Variants in STARD7 observed in about 807,000 individuals in gnomAD.
STARD7 encodes StAR related lipid transfer domain containing 7, also known as stAR-related lipid transfer protein 7, mitochondrial.
STARD7 carries 30 observed loss-of-function variants against 45.3 expected under a neutral mutation model. The observed-to-expected ratio is 0.66, with a 90% CI of 0.50 to 0.90. STARD7 has a LOEUF of 0.90. STARD7 is among the 40% of genes least tolerant of loss of function. STARD7 has a pLI of 0.00. For missense variants in STARD7, 495 were observed against 491.3 expected, an observed-to-expected ratio of 1.01 and a Z score of -0.07; for synonymous variants, 199 against 183.0, an observed-to-expected ratio of 1.09 and a Z score of -0.70.
intron 6 of STARD7, among the ~76,000 whole-genome samples, chr2:96,191,763 C>T (rs35406453): frequency 6.6e-6 from 1 of 152,070 alleles, no homozygotes; most frequent in Admixed American, 6.5e-5. Context: ...CCATATAGCC[C>T]TAAATCGAAC....
At chr2:96,194,827 G>A (rs953985358) in intron 3 of STARD7, 131 bp downstream of exon 3, 1 of 721,274 alleles carries the variant, frequency 1.4e-6, no homozygotes, top group African/African-American at 1.8e-5. Context: ...TAAATGCTAT[G>A]CAATGTGGAT....
rs544496063 is a variant in STARD7, at chr2:96,207,302, G to A, written c.290+843C>T. On this transcript the variant is annotated intron_variant, in intron 1 of 7. Transcript: ENST00000337288. Reference sequence around the variant, plus strand: ...ATAAACAGGCGAGTGTGGAATCTGCGGAGGGAGGGGATTGTCTCTGGTTCC... The same window carrying A: ...ATAAACAGGCGAGTGTGGAATCTGCAGAGGGAGGGGATTGTCTCTGGTTCC... 3.3e-5 allele frequency among the ~76,000 whole-genome samples: 5 copies of A among 152,336 alleles called. No homozygotes were observed. In the South Asian group the frequency reaches 8.3e-4, roughly 25 times the overall value.
intron 1 of STARD7, among the ~76,000 whole-genome samples, chr2:96,197,079 A>ATAACATAAC (rs1558735802): frequency 2.9e-5 from 4 of 135,732 alleles, no homozygotes; most frequent in African/African-American, 1.1e-4. Context: ...AATAAAATAA[A>ATAACATAAC]ATAAAATAAA....
At chr2:96,195,059 CTTGT>C in intron 2 of STARD7, 52 bp from the exon 3 acceptor site, 4 of 1,514,834 alleles carry the variant, frequency 2.6e-6, no homozygotes, top group Non-Finnish European at 3.6e-6. Context: ...AGTCACTCGC[CTTGT>C]TTCTTTCACC....
rs907474556 is a variant in STARD7, at chr2:96,208,294, G to A, written c.141C>T (p.Arg47=). The A allele has an allele frequency of 3.7e-6, 6 of 1,610,012 alleles. No individual in the cohort carries two copies. The highest frequency in any genetic ancestry group is 5.1e-6 in the Non-Finnish European group (6 of 1,179,022). ...RAQQIAQLYG[R]LYSESSRRVL... The stretch of plus-strand genomic sequence containing the variant: ...CGCGGCGTGAGCTCTCGGAGTAGAG[G>A]CGGCCGTAGAGCTGCGCGATCTGCT... The change falls in exon 1 of 8, where the codon CGC becomes CGT. Residue 47 remains arginine (R), a synonymous_variant. Transcript: ENST00000337288.
At chr2:96,198,649 G>C (rs1181982529) in intron 1 of STARD7, among the ~76,000 whole-genome samples, 1 of 152,028 alleles carries the variant, frequency 6.6e-6, no homozygotes, top group Non-Finnish European at 1.5e-5. Flanking sequence ...CTTTTCATGT[G>C]CTTATACTAG....
At chr2:96,201,779 G>C (rs891806889) in intron 1 of STARD7, among the ~76,000 whole-genome samples, 1 of 152,118 alleles carries the variant, frequency 6.6e-6, no homozygotes, top group Non-Finnish European at 1.5e-5. Flanking sequence ...GCCTGGGTGA[G>C]AGTGAAACTG....
At chr2:96,204,601 A>C (rs2104206685) in intron 1 of STARD7, among the ~76,000 whole-genome samples, 1 of 152,280 alleles carries the variant, frequency 6.6e-6, no homozygotes, top group African/African-American at 2.4e-5. Context: ...ACAGGACATC[A>C]ATTAGCTCAT....
In STARD7 at chr2:96,191,220, C is replaced by G. The variant is rs994285012; in HGVS notation, c.843+1149G>C. 2.0e-5 allele frequency among the ~76,000 whole-genome samples: 3 copies of G among 152,060 alleles called. No homozygotes were observed. The East Asian group carries it at 5.8e-4, about 29-fold the overall frequency. ...AATACTGAAATATATAATAGAAGAACTGGGTTCTCCTACAGTAAAGCTAGA... is the reference window on the plus strand; with the variant it reads ...AATACTGAAATATATAATAGAAGAAGTGGGTTCTCCTACAGTAAAGCTAGA... On this transcript the variant is annotated intron_variant, in intron 6 of 7. Coordinates refer to ENST00000337288, the MANE Select transcript of STARD7 (RefSeq NM_020151.4).
intron 1 of STARD7, among the ~76,000 whole-genome samples, chr2:96,200,092 GTTTT>G (rs375060639): frequency 4.0e-5 from 6 of 151,396 alleles, no homozygotes; most frequent in Non-Finnish European, 5.9e-5. Flanking sequence ...AAGTTGTGTG[GTTTT>G]TTTTTGTTTG....
At position 96,208,231 on chromosome 2, in the gene STARD7, A is replaced by G. The variant is rs1417197052; in HGVS notation, c.204T>C (p.Arg68=). ...LGRLWRRLHG[R]PGHASALMAA... ...CCATCAAGGCAGAGGCATGGCCAGG[A>G]CGGCCGTGCAGCCGGCGCCAGAGGC... Residue 68 remains arginine, a synonymous_variant, in exon 1 of 8, where the codon CGT becomes CGC. Coordinates refer to ENST00000337288, the MANE Select transcript of STARD7 (RefSeq NM_020151.4). The G allele has an allele frequency of 1.9e-6, 3 of 1,612,338 alleles. No homozygotes were observed. Among genetic ancestry groups the G allele is most frequent in the Non-Finnish European group, 2.5e-6 (3 of 1,179,584 alleles).
intron 1 of STARD7, among the ~76,000 whole-genome samples, chr2:96,203,646 T>C (rs1455812076): frequency 6.6e-6 from 1 of 152,214 alleles, no homozygotes; most frequent in Non-Finnish European, 1.5e-5. Flanking sequence ...CAGGTTCTAC[T>C]GATACGGGAC....
chr2:96,197,103 A>T (rs1188294246), intron 1 of STARD7, among the ~76,000 whole-genome samples: 8 of 145,586 alleles, frequency 5.5e-5, no homozygotes, highest in African/African-American at 1.7e-4. Context: ...AAATAAAATA[A>T]AATAAAATAA....
At chr2:96,197,043 G>C (rs1366721370) in intron 1 of STARD7, among the ~76,000 whole-genome samples, 1 of 123,870 alleles carries the variant, frequency 8.1e-6, no homozygotes, top group African/African-American at 2.7e-5. Context: ...TCTAGCCTGG[G>C]CAACAAGAGC....
intron 1 of STARD7, among the ~76,000 whole-genome samples, chr2:96,197,075 A>AACCTAACCTAACC (rs1558735779): frequency 5.5e-5 from 7 of 126,536 alleles, no homozygotes; most frequent in Non-Finnish European, 1.0e-4. Context: ...TCAAAATAAA[A>AACCTAACCTAACC]TAAAATAAAA....
chr2:96,192,262 G>A (rs1327561144), intron 6 of STARD7, 107 bp downstream of exon 6: 15 of 911,304 alleles, frequency 1.6e-5, no homozygotes, highest in Admixed American at 3.5e-5. Context: ...TCCCCCGAGC[G>A]AGAACTGTTC....
At position 96,198,268 on chromosome 2, in the gene STARD7, A is replaced by G. The variant is rs574521508; in HGVS notation, c.291-2719T>C. ...AACCCAGGAGGTGGAGGTTGCAGTG[A>G]GCCAAGATTGCACCACTTCACTCCA... is the stretch of plus-strand genomic sequence containing the variant. On this transcript the variant is annotated intron_variant, in intron 1 of 7. Coordinates refer to ENST00000337288, the MANE Select transcript of STARD7 (RefSeq NM_020151.4). Among the ~76,000 whole-genome samples the G allele has an allele frequency of 2.6e-5, 4 of 152,156 alleles. No homozygotes were observed. The South Asian group carries it at 8.3e-4, about 32-fold the overall frequency.
chr2:96,185,278 T>C lies in STARD7; in HGVS notation c.*1452A>G, dbSNP rs1683017055. 1 of 152,524 alleles carries C rather than the reference T, an allele frequency of 6.6e-6. No individual in the cohort carries two copies. Among genetic ancestry groups the C allele is most frequent in the Non-Finnish European group, 1.5e-5 (1 of 68,014 alleles). 9.4% of individuals were successfully genotyped at this position (152,524 alleles called of 1,614,324 possible). A position where few individuals can be genotyped will look rare whatever the true frequency, so the allele number is the denominator to read the frequency against. On this transcript the variant is annotated 3_prime_UTR_variant, in exon 8 of 8. Transcript: ENST00000337288. The stretch of plus-strand genomic sequence containing the variant: ...ACATACACTGGGGCAGCTACTTCCT[T>C]GGCACAAAAATGAACAGGCAACAAG...
chr2:96,205,875 A>G (rs991037352), intron 1 of STARD7, among the ~76,000 whole-genome samples: 3 of 152,364 alleles, frequency 2.0e-5, no homozygotes, highest in Admixed American at 6.5e-5. Context: ...AACATGATCA[A>G]ATTTTAATTA....
Sources: gnomAD v4.1 joint callset for allele counts (sites outside exome capture counted in the v4.1 genomes callset) on GRCh38, gnomAD v4.1.1 for gene constraint, MANE v1.5 for transcripts, NCBI Gene and HGNC (gene_info 2026-07-23, HGNC 2026-07-21) for gene names.